EDC4: variants seen among roughly 807,000 people sequenced by gnomAD.
EDC4 encodes the protein enhancer of mRNA-decapping protein 4.
Under a neutral mutation model 155.8 loss-of-function variants are expected in EDC4, and 64 were observed. That is an observed-to-expected ratio of 0.41 (90% CI 0.34 to 0.51). The LOEUF is 0.51. Ranked by LOEUF, EDC4 falls within the 20% of genes least tolerant of loss-of-function variation. EDC4 has a pLI of 0.19. For missense variants in EDC4, 1,303 were observed against 1,812.5 expected (o/e 0.72, Z 5.10); for synonymous variants, 684 against 716.8 (o/e 0.95, Z 0.73).
In EDC4 at chr16:67,881,035, C is replaced by T; in HGVS notation, c.2532-41C>T. On this transcript the variant is annotated intron_variant, in intron 18 of 28. Coordinates refer to ENST00000358933, the MANE Select transcript of EDC4 (RefSeq NM_014329.5). The surrounding 1 kb of genome is among the most constrained non-coding windows in gnomAD (Gnocchi z 5.4). ...AAAAGTGTGCTAGCAGGAGGGGCTT[C>T]AGATAGATTCATCCATGGCTAAGTT... 6.2e-7 allele frequency: 1 copy of T among 1,613,948 alleles called. No individual in the cohort carries two copies. The highest frequency in any genetic ancestry group is 8.5e-7 in the Non-Finnish European group (1 of 1,180,008).
rs1598173880 is a variant in EDC4, at chr16:67,873,330, C to T, written c.69C>T (p.Asp23=). The T allele has an allele frequency of 1.4e-6, 2 of 1,463,878 alleles. No homozygotes were observed. Among genetic ancestry groups the T allele is most frequent in the East Asian group, 3.0e-5 (1 of 33,650 alleles). The allele number at this position is 1,463,878 out of a possible 1,614,324, so 90.7% of individuals were successfully genotyped here. A position where few individuals can be genotyped will look rare whatever the true frequency, so the allele number is the denominator to read the frequency against. ...ACCTGCGGGACATCCTCAAGCTGGACCGGCCCGCGGGCGGTGAGCGGGGGT... is the reference window on the plus strand; with the variant it reads ...ACCTGCGGGACATCCTCAAGCTGGATCGGCCCGCGGGCGGTGAGCGGGGGT... ...TQHLRDILKL[D]RPAGGPSAES... Residue 23 remains aspartate (D), a synonymous_variant, in exon 1 of 29, where the codon GAC becomes GAT. Transcript: ENST00000358933.
In EDC4 at chr16:67,876,350, C is replaced by A; in HGVS notation, c.240-138C>A. ...GAGATGAGCAAGCAGAGCTGTGGGT[C>A]TGGGGCCAGTGGACCAGGCGAAGCT... is the stretch of plus-strand genomic sequence containing the variant. On this transcript the variant is annotated intron_variant, in intron 2 of 28. Coordinates refer to ENST00000358933, the MANE Select transcript of EDC4 (RefSeq NM_014329.5). This position sits in a 1 kb window ranked among gnomAD's most constrained non-coding sequence, Gnocchi z 5.8. The A allele has an allele frequency of 7.2e-7, 1 of 1,386,758 alleles. No homozygotes were observed. 85.9% of individuals were successfully genotyped at this position (1,386,758 alleles called of 1,614,324 possible).
chr16:67,874,971 T>G (rs1490789543), intron 1 of EDC4, among the ~76,000 whole-genome samples: 1 of 152,148 alleles, frequency 6.6e-6, no homozygotes, highest in Non-Finnish European at 1.5e-5. Flanking sequence ...TCCCAGCTAC[T>G]TGGGAGGCTG....
Position 67,873,363 on chromosome 16 carries a change from G to T in EDC4, c.82+20G>T, listed in dbSNP as rs763168311. The T allele has an allele frequency of 7.0e-6, 10 of 1,432,108 alleles. No homozygotes were observed. The South Asian group carries it at 1.3e-4, about 18-fold the overall frequency. 88.7% of individuals were successfully genotyped at this position (1,432,108 alleles called of 1,614,324 possible). ...CGGGCGGTGAGCGGGGGTTGCGGGG[G>T]TGGGCCCCAGGCGAGCTGACAAAAG... On this transcript the variant is annotated intron_variant, in intron 1 of 28. Coordinates refer to ENST00000358933, the MANE Select transcript of EDC4 (RefSeq NM_014329.5).
Position 67,879,604 on chromosome 16 carries a change from C to G in EDC4, c.1651C>G (p.Pro551Ala). ...HEDFTFGESR[P>A]ELGSEGLGSA... ...CCCTGCAGCATTTGGAGAGTCTCGG[C>G]CCGAACTGGGCTCTGAGGGCCTGGG... Residue 551 changes from proline to alanine, a missense_variant, in exon 15 of 29, where the codon CCC (proline) becomes GCC (alanine). Pro to Ala is a conservative substitution (Grantham distance 27, BLOSUM62 -1). Around this residue, in one of 5 missense-constraint regions of EDC4, gnomAD observed 391 missense variants for 445.4 expected, o/e 0.88. Coordinates refer to ENST00000358933, the MANE Select transcript of EDC4 (RefSeq NM_014329.5). The surrounding 1 kb of genome is among the most constrained non-coding windows in gnomAD (Gnocchi z 6.0). The G allele has an allele frequency of 6.2e-7, 1 of 1,614,112 alleles. No individual in the cohort carries two copies. Among genetic ancestry groups the G allele is most frequent in the Non-Finnish European group, 8.5e-7 (1 of 1,180,004 alleles).
Position 67,883,564 on chromosome 16 carries a change from C to T in EDC4, c.3850-4C>T, listed in dbSNP as rs2058080433. 1.2e-6 allele frequency: 2 copies of T among 1,613,102 alleles called. No homozygotes were observed. The highest frequency in any genetic ancestry group is 1.7e-6 in the Non-Finnish European group (2 of 1,179,912). On this transcript the variant is annotated splice_region_variant and splice_polypyrimidine_tract_variant and intron_variant, in intron 27 of 28. Transcript: ENST00000358933. This position sits in a 1 kb window ranked among gnomAD's most constrained non-coding sequence, Gnocchi z 5.3. Reference sequence around the variant, plus strand: ...ATAAACACTGCTGCTTTTTTCTCCTCCAGGCGCTGACAGCTGCTGACCTGA... The same window carrying T: ...ATAAACACTGCTGCTTTTTTCTCCTTCAGGCGCTGACAGCTGCTGACCTGA...
At chr16:67,875,627 T>A in intron 1 of EDC4, 1 of 728,348 alleles carries the variant, frequency 1.4e-6, no homozygotes, top group Non-Finnish European at 1.8e-6. Flanking sequence ...ATAAAGTCTT[T>A]CCTGACCCCT....
rs772511887 is a variant in EDC4 at position 67,877,489 on chromosome 16, G to A, written c.642-20G>A. 1 of 1,613,910 alleles carries A rather than the reference G, an allele frequency of 6.2e-7. No homozygotes were observed. The highest frequency in any genetic ancestry group is 1.7e-4 in the Middle Eastern group (1 of 6,058). On this transcript the variant is annotated intron_variant, in intron 5 of 28. Coordinates refer to ENST00000358933, the MANE Select transcript of EDC4 (RefSeq NM_014329.5). The surrounding 1 kb of genome is among the most constrained non-coding windows in gnomAD (Gnocchi z 4.9). ...TCACGCCTCTTCATTCATCTATCTA[G>A]CCCTTAACACCCTGCTCAGAGAAGA...
At position 67,876,753 on chromosome 16, in the gene EDC4, C is replaced by A; in HGVS notation, c.352-120C>A. The stretch of plus-strand genomic sequence containing the variant: ...GTGCCAAGCCTCTGTGGGAGTCTGG[C>A]TCCAGGAGGTAACAGTGGGTAGCTG... On this transcript the variant is annotated intron_variant, in intron 3 of 28. Coordinates refer to ENST00000358933, the MANE Select transcript of EDC4 (RefSeq NM_014329.5). This position sits in a 1 kb window ranked among gnomAD's most constrained non-coding sequence, Gnocchi z 5.8. 1.3e-6 allele frequency: 2 copies of A among 1,560,902 alleles called. No homozygotes were observed. Among genetic ancestry groups the A allele is most frequent in the Non-Finnish European group, 1.7e-6 (2 of 1,152,414 alleles).
In EDC4 at chr16:67,883,904, C is replaced by T. The variant is rs554590936; in HGVS notation, c.4014-52C>T. The T allele has an allele frequency of 6.5e-7, 1 of 1,546,694 alleles. No homozygotes were observed. Among genetic ancestry groups the T allele is most frequent in the East Asian group, 2.3e-5 (1 of 44,174 alleles). Reference sequence around the variant, plus strand: ...TGGGCCTCGGTGCCACCAGGGGGCGCTCCCGTCTGCTGGCACCCACCTGTA... The same window carrying T: ...TGGGCCTCGGTGCCACCAGGGGGCGTTCCCGTCTGCTGGCACCCACCTGTA... On this transcript the variant is annotated intron_variant, in intron 28 of 28. Transcript: ENST00000358933. This position sits in a 1 kb window ranked among gnomAD's most constrained non-coding sequence, Gnocchi z 5.3.
rs746672473 is a variant in EDC4 at position 67,878,652 on chromosome 16, T to C, written c.1184+21T>C. The C allele has an allele frequency of 1.2e-6, 2 of 1,614,148 alleles. No individual in the cohort carries two copies. The highest frequency in any genetic ancestry group is 2.2e-5 in the South Asian group (2 of 91,084). ...ATTCGGTAAGCAGTGGCTGGAAGGC[T>C]GGGGGACTGGGCAGGGGCGGCAGGG... is the stretch of plus-strand genomic sequence containing the variant. On this transcript the variant is annotated intron_variant, in intron 10 of 28. Coordinates refer to ENST00000358933, the MANE Select transcript of EDC4 (RefSeq NM_014329.5). The surrounding 1 kb of genome is among the most constrained non-coding windows in gnomAD (Gnocchi z 5.2).
Position 67,881,326 on chromosome 16 carries a change from C to T in EDC4, c.2698C>T (p.Pro900Ser), listed in dbSNP as rs142738924. 1 of 1,614,184 alleles carries T rather than the reference C, an allele frequency of 6.2e-7. No individual in the cohort carries two copies. The change falls in exon 20 of 29, where the codon CCT becomes TCT. Residue 900 changes from proline to serine, a missense_variant. Around this residue, in one of 5 missense-constraint regions of EDC4, gnomAD observed 527 missense variants for 757.0 expected, o/e 0.70. Coordinates refer to ENST00000358933, the MANE Select transcript of EDC4 (RefSeq NM_014329.5). This position sits in a 1 kb window ranked among gnomAD's most constrained non-coding sequence, Gnocchi z 5.4. ...SASGGFGTKVPAPRLPAKDWK... is the reference protein window; with the variant it reads ...SASGGFGTKVSAPRLPAKDWK... ...TTCAGGAGGCTTTGGCACCAAAGTT[C>T]CTGCTCCACGGCTGCCTGCCAAGGA...
rs1039701283 is a variant in EDC4 at position 67,880,332 on chromosome 16, C to T, written c.2097+116C>T. 28 of 1,456,950 alleles carry T rather than the reference C, an allele frequency of 1.9e-5. No individual in the cohort carries two copies. The highest frequency in any genetic ancestry group is 4.6e-5 in the Admixed American group (2 of 43,718). The allele number at this position is 1,456,950 out of a possible 1,614,324, so 90.3% of individuals were successfully genotyped here. A position where few individuals can be genotyped will look rare whatever the true frequency, so the allele number is the denominator to read the frequency against. On this transcript the variant is annotated intron_variant, in intron 17 of 28. Coordinates refer to ENST00000358933, the MANE Select transcript of EDC4 (RefSeq NM_014329.5). This position sits in a 1 kb window ranked among gnomAD's most constrained non-coding sequence, Gnocchi z 5.2. Reference sequence around the variant, plus strand: ...TGATCCTGCTCTACCCGACATGGTCCGTGTTTCCCTGAGGTCATTTCACCC... The same window carrying T: ...TGATCCTGCTCTACCCGACATGGTCTGTGTTTCCCTGAGGTCATTTCACCC...
rs764832892 is a variant in EDC4, at chr16:67,876,984, CAGTG to C, written c.451+15_451+18del. ...CTATGCCATTCGGGGTGAGTAAAGACAGTGAGGAGGAAGGAATGTTCTGCTGGAT... is the reference window on the plus strand; with the variant it reads ...CTATGCCATTCGGGGTGAGTAAAGACAGGAGGAAGGAATGTTCTGCTGGAT... On this transcript the variant is annotated intron_variant, in intron 4 of 28. Coordinates refer to ENST00000358933, the MANE Select transcript of EDC4 (RefSeq NM_014329.5). The surrounding 1 kb of genome is among the most constrained non-coding windows in gnomAD (Gnocchi z 5.8). 1.7e-5 allele frequency: 28 copies of C among 1,613,380 alleles called. No individual in the cohort carries two copies. The African/African-American group carries it at 3.3e-4, about 19-fold the overall frequency.
chr16:67,884,119 C>T lies in EDC4; in HGVS notation c.4177C>T (p.His1393Tyr). Residue 1393 changes from histidine (H) to tyrosine (Y), a missense_variant, in exon 29 of 29, where the codon CAT becomes TAT. His to Tyr is a moderately conservative substitution (Grantham distance 83). Transcript: ENST00000358933. This position sits in a 1 kb window ranked among gnomAD's most constrained non-coding sequence, Gnocchi z 4.1. ...AGCTCGGCGTCTCAGCCTCATGCTG[C>T]ATGGCCTCGTGACCCCCAGCCTCCC... ...KAARRLSLML[H>Y]GLVTPSLP The T allele has an allele frequency of 6.8e-6, 11 of 1,612,590 alleles. No homozygotes were observed. Among genetic ancestry groups the T allele is most frequent in the Non-Finnish European group, 9.3e-6 (11 of 1,179,072 alleles).
Position 67,877,484 on chromosome 16 carries a change from A to G in EDC4, c.642-25A>G, listed in dbSNP as rs536415033. ...GGGTGTCACGCCTCTTCATTCATCT[A>G]TCTAGCCCTTAACACCCTGCTCAGA... is the stretch of plus-strand genomic sequence containing the variant. On this transcript the variant is annotated intron_variant, in intron 5 of 28. Coordinates refer to ENST00000358933, the MANE Select transcript of EDC4 (RefSeq NM_014329.5). This position sits in a 1 kb window ranked among gnomAD's most constrained non-coding sequence, Gnocchi z 4.9. The G allele has an allele frequency of 2.6e-5, 42 of 1,613,836 alleles. No individual in the cohort carries two copies. The highest frequency in any genetic ancestry group is 1.3e-4 in the East Asian group (6 of 44,874).
At chr16:67,875,819 C>T (rs767078611) in intron 1 of EDC4, 126 bp from the exon 2 acceptor site, 38 of 1,495,050 alleles carry the variant, frequency 2.5e-5, no homozygotes, top group Non-Finnish European at 3.4e-5. Flanking sequence ...CCCTCCTCCT[C>T]ATGGACATGC....
rs1321993687 is a variant in EDC4, at chr16:67,880,721, T to C, written c.2262T>C (p.Arg754=). 6 of 1,614,208 alleles carry C rather than the reference T, an allele frequency of 3.7e-6. No homozygotes were observed. Among genetic ancestry groups the C allele is most frequent in the African/African-American group, 2.7e-5 (2 of 75,064 alleles). The stretch of plus-strand genomic sequence containing the variant: ...AGATTGCATCTGAGGCCCTGTCCCG[T>C]GGTTTTGGCTCCTCTGCACCAGAGG... The part of the protein sequence containing the change: ...IPEIASEALS[R]GFGSSAPEGL... Residue 754 remains arginine, a synonymous_variant, in exon 18 of 29, where the codon CGT becomes CGC. Transcript: ENST00000358933. This position sits in a 1 kb window ranked among gnomAD's most constrained non-coding sequence, Gnocchi z 5.2.
rs1347659099 is a variant in EDC4, at chr16:67,876,868, C to G, written c.352-5C>G. 6.2e-7 allele frequency: 1 copy of G among 1,613,658 alleles called. No homozygotes were observed. The highest frequency in any genetic ancestry group is 1.3e-5 in the African/African-American group (1 of 74,936). ...TCCATGACTTTTCTCACCCTGGGTTCTCAGGTGAAAATTCAGCCTGTCGCC... is the reference window on the plus strand; with the variant it reads ...TCCATGACTTTTCTCACCCTGGGTTGTCAGGTGAAAATTCAGCCTGTCGCC... On this transcript the variant is annotated splice_polypyrimidine_tract_variant and splice_region_variant and intron_variant, in intron 3 of 28. Transcript: ENST00000358933. This position sits in a 1 kb window ranked among gnomAD's most constrained non-coding sequence, Gnocchi z 5.8.
Sources: gnomAD v4.1 joint callset for allele counts (sites outside exome capture counted in the v4.1 genomes callset) on GRCh38, gnomAD v4.1.1 for gene constraint, gnomAD v4.1.1 regional missense constraint, Gnocchi (gnomAD v3.1) non-coding constraint, MANE v1.5 for transcripts, NCBI Gene and HGNC (gene_info 2026-07-23, HGNC 2026-07-21) for gene names.